The following HAUS7 variants were observed in gnomAD, a reference collection of about 807,000 sequenced individuals.
HAUS7 encodes HAUS augmin-like complex subunit 7.
A neutral mutation model predicts 28.4 loss-of-function variants in HAUS7; 3 were observed. That is an observed-to-expected ratio of 0.11 (90% CI 0.05 to 0.27). The LOEUF is 0.27. Ranked by LOEUF, HAUS7 falls within the 10% of genes least tolerant of loss-of-function variation. The pLI, the probability that HAUS7 is intolerant of heterozygous loss-of-function variation, is 1.00. For synonymous variants in HAUS7, 165 were observed against 132.1 expected (o/e 1.25, Z -1.71); for missense variants, 284 against 297.3 (o/e 0.96, Z 0.33).
intron 1 of HAUS7, chrX:153,485,646 C>T (rs1381159044): frequency 6.1e-6 from 2 of 328,006 alleles, no homozygotes; most frequent in Non-Finnish European, 8.3e-6. Context: ...GTTCGGGTTG[C>T]GGCTGCCATC....
chrX:153,486,327 G>A (rs2089637498), intron 1 of HAUS7, among the ~76,000 whole-genome samples: 1 of 112,957 alleles, frequency 8.9e-6, no homozygotes, highest in African/African-American at 3.2e-5. Flanking sequence ...CCATGATGGA[G>A]GCTGTGCCCA....
chrX:153,458,252 CA>C (rs782173432), intron 4 of HAUS7, among the ~76,000 whole-genome samples: 55 of 113,235 alleles, frequency 4.9e-4, no homozygotes, highest in African/African-American at 1.6e-3. Flanking sequence ...GCACCCAGGA[CA>C]GGGGCGATGG....
rs72146941 is a variant in HAUS7 at position 153,465,312 on chromosome X, CAAAAAAAAAAAAA to C, written c.225-270_225-258del. Among the ~76,000 whole-genome samples, 308 of 57,177 alleles carry C rather than the reference CAAAAAAAAAAAAA, an allele frequency of 5.4e-3. 4 individuals carry two copies. The Admixed American group carries it at 0.059, about 11-fold the overall frequency. The allele number at this position is 57,177 out of a possible 115,157, so 49.7% of individuals were successfully genotyped here. A position where few individuals can be genotyped will look rare whatever the true frequency, so the allele number is the denominator to read the frequency against. ...CTGAAATGAAAATTCTTCTCAAGAC[CAAAAAAAAAAAAA>C]AAAAAAAAAAAGATGGCTGCAGCAG... On this transcript the variant is annotated intron_variant, in intron 2 of 9. Transcript: ENST00000370211.
Position 153,461,173 on chromosome X carries a change from C to T in HAUS7, c.354+1437G>A, listed in dbSNP as rs1426102927. On this transcript the variant is annotated intron_variant, in intron 4 of 9. Transcript: ENST00000370211. ...TAAGCAGGTCAAGTGCCTGCTAAAGCACAAATATGTATACAAATATAAATT... is the reference window on the plus strand; with the variant it reads ...TAAGCAGGTCAAGTGCCTGCTAAAGTACAAATATGTATACAAATATAAATT... 1.4e-4 allele frequency among the ~76,000 whole-genome samples: 16 copies of T among 112,642 alleles called. 1 individual carries two copies.
chrX:153,460,384 G>A (rs1007958455), intron 4 of HAUS7, among the ~76,000 whole-genome samples: 3 of 111,669 alleles, frequency 2.7e-5, no homozygotes, highest in Admixed American at 9.5e-5. Flanking sequence ...ACGCTTTAAC[G>A]CGGCTTAAAA....
At chrX:153,470,876 G>T (rs1556985170), upstream of HAUS7, 3 of 363,023 alleles carry the variant, frequency 8.3e-6, no homozygotes, top group Admixed American at 9.0e-5. Context: ...GCGGACACCG[G>T]GAAGGGGCGG....
At chrX:153,483,770 G>A (rs782004654) in intron 1 of HAUS7, among the ~76,000 whole-genome samples, 1 of 111,887 alleles carries the variant, frequency 8.9e-6, no homozygotes, top group South Asian at 3.8e-4. Flanking sequence ...TTGCCCTCCC[G>A]TGCCTAGGCC....
At chrX:153,451,522 C>G (rs781877961) in intron 9 of HAUS7, among the ~76,000 whole-genome samples, 6 of 111,793 alleles carry the variant, frequency 5.4e-5, no homozygotes, top group African/African-American at 2.0e-4. Context: ...CAGTGAGAAG[C>G]CTGGCTCTCC....
chrX:153,477,548 T>C (rs2089570404), intron 1 of HAUS7, among the ~76,000 whole-genome samples: 1 of 112,939 alleles, frequency 8.9e-6, no homozygotes, highest in African/African-American at 3.2e-5. Flanking sequence ...CTGTGCTCTG[T>C]CTTGCAGGAT....
At chrX:153,469,417 C>T (rs782212493) in intron 1 of HAUS7, among the ~76,000 whole-genome samples, 156 bp from the exon 2 acceptor site, 38 of 112,769 alleles carry the variant, frequency 3.4e-4, no homozygotes, top group Non-Finnish European at 6.8e-4. Context: ...CCTCCACCTC[C>T]TGGGTTCCAG....
intron 1 of HAUS7, among the ~76,000 whole-genome samples, chrX:153,476,162 C>T (rs967748012): frequency 8.9e-6 from 1 of 112,453 alleles, no homozygotes; most frequent in Non-Finnish European, 1.9e-5. Context: ...CCTGCTCCAC[C>T]ACATTGCTGT....
chrX:153,470,703 T>A (rs2089512739), upstream of HAUS7: 1 of 883,101 alleles, frequency 1.1e-6, no homozygotes, highest in African/African-American at 2.0e-5. Context: ...CATCTCCGCC[T>A]GCGCGGGCCC....
chrX:153,457,957 G>T (rs2089337088), intron 4 of HAUS7, among the ~76,000 whole-genome samples: 1 of 113,191 alleles, frequency 8.8e-6, no homozygotes, highest in African/African-American at 3.2e-5. Context: ...ACGTCAAAAG[G>T]GTCAACTCCA....
rs782632162 is a variant in HAUS7 at position 153,468,644 on chromosome X, C to T, written c.224+502G>A. ...CCAAAGGCACCAGAGGACTGGGAAA[C>T]GGGTCACGGCACAGAAGCTGACAAG... is the stretch of plus-strand genomic sequence containing the variant. On this transcript the variant is annotated intron_variant, in intron 2 of 9. Transcript: ENST00000370211. Among the ~76,000 whole-genome samples, 4 of 112,350 alleles carry T rather than the reference C, an allele frequency of 3.6e-5. No homozygotes were observed. The East Asian group carries it at 8.4e-4, about 24-fold the overall frequency.
intron 9 of HAUS7, among the ~76,000 whole-genome samples, chrX:153,450,494 C>T (rs1228045205): frequency 2.7e-5 from 3 of 112,525 alleles, no homozygotes; most frequent in Non-Finnish European, 5.6e-5. Context: ...CCACCTTCCC[C>T]GCCCGCTGAG....
chrX:153,453,508 G>A lies in HAUS7; in HGVS notation c.1045+886C>T, dbSNP rs868948926. 1.1e-4 allele frequency among the ~76,000 whole-genome samples: 12 copies of A among 110,683 alleles called. No homozygotes were observed. In the South Asian group the frequency reaches 1.1e-3, roughly 11 times the overall value. Reference sequence around the variant, plus strand: ...AACTGGCTTTACCTTCTTTCTTTGGGTTTATTTTGCTGTTTATTTTCTAGC... The same window carrying A: ...AACTGGCTTTACCTTCTTTCTTTGGATTTATTTTGCTGTTTATTTTCTAGC... On this transcript the variant is annotated intron_variant, in intron 9 of 9. Coordinates refer to ENST00000370211, the MANE Select transcript of HAUS7 (RefSeq NM_001385482.1).
chrX:153,483,830 A>G (rs1039581446), intron 1 of HAUS7, among the ~76,000 whole-genome samples: 1 of 111,864 alleles, frequency 8.9e-6, no homozygotes, highest in Admixed American at 9.4e-5. Context: ...ACGGGCCTGG[A>G]TGGAGGGCAG....
chrX:153,486,863 G>A, intron 1 of HAUS7: 2 of 947,553 alleles, frequency 2.1e-6, no homozygotes, highest in Admixed American at 6.1e-5. Context: ...GGGGGTGGAG[G>A]GGCAGGCTGA....
upstream of HAUS7, among the ~76,000 whole-genome samples, chrX:153,472,743 T>C (rs1302632158): frequency 9.3e-6 from 1 of 107,772 alleles, no homozygotes; most frequent in Non-Finnish European, 1.9e-5. Context: ...GGTTGAGTCC[T>C]ACCATGGGGG....
Sources: allele counts gnomAD v4.1 joint callset (sites outside exome capture counted in the v4.1 genomes callset), GRCh38; gene constraint gnomAD v4.1.1; transcripts MANE v1.5; gene names NCBI Gene and HGNC (gene_info 2026-07-23, HGNC 2026-07-21).